Variants in BORCS5 observed in about 807,000 individuals in gnomAD.
The protein encoded by BORCS5 is BLOC-1 related complex subunit 5.
Under a neutral mutation model 22.1 loss-of-function variants are expected in BORCS5, and 17 were observed. The ratio of observed to expected loss-of-function variants is 0.77; its 90% CI spans 0.53 to 1.15. The LOEUF (loss-of-function observed/expected upper bound fraction) is 1.15. Among genes scored for constraint, BORCS5 ranks in the 50% most tolerant of loss-of-function variants. The pLI is 0.00. For missense variants in BORCS5, 247 were observed against 253.2 expected (o/e 0.98, Z 0.17); for synonymous variants, 117 against 99.8 (o/e 1.17, Z -1.03).
intron 2 of BORCS5, among the ~76,000 whole-genome samples, chr12:12,383,418 T>C (rs1238276303): frequency 2.6e-5 from 4 of 151,544 alleles, no homozygotes; most frequent in Non-Finnish European, 5.9e-5. Context: ...AATAAAAATA[T>C]ATTTGTAGAA....
intron 3 of BORCS5, among the ~76,000 whole-genome samples, chr12:12,448,462 G>A (rs766737673): frequency 9.3e-5 from 14 of 151,326 alleles, no homozygotes; most frequent in African/African-American, 1.2e-4. Flanking sequence ...TGATCTGCCC[G>A]CCTTGGCCTC....
At chr12:12,373,978 A>ATTTTTTTT (rs1863585861) in intron 2 of BORCS5, among the ~76,000 whole-genome samples, 2 of 116,778 alleles carry the variant, frequency 1.7e-5, no homozygotes, top group African/African-American at 9.0e-5. Flanking sequence ...TGCAGAGAGT[A>ATTTTTTTT]TTCTTTTTTT....
chr12:12,448,541 TC>T (rs1191610379), intron 3 of BORCS5, among the ~76,000 whole-genome samples: 101 of 151,440 alleles, frequency 6.7e-4, no homozygotes, highest in Non-Finnish European at 1.1e-3. Context: ...TTTTTTTTTT[TC>T]TTTTTTTTGA....
At chr12:12,462,058 G>C (rs1943115256) in intron 3 of BORCS5, among the ~76,000 whole-genome samples, 1 of 152,230 alleles carries the variant, frequency 6.6e-6, no homozygotes, top group Admixed American at 6.5e-5. Context: ...ACGGTAAGCT[G>C]TGTGGGTGTA....
intron 2 of BORCS5, among the ~76,000 whole-genome samples, chr12:12,390,005 C>T (rs905018008): frequency 3.3e-5 from 5 of 152,030 alleles, no homozygotes; most frequent in African/African-American, 9.7e-5. Flanking sequence ...CAGGCCAAAT[C>T]GGACTGTTTT....
intron 2 of BORCS5, among the ~76,000 whole-genome samples, chr12:12,392,195 A>G (rs965630160): frequency 1.3e-5 from 2 of 152,024 alleles, no homozygotes; most frequent in African/African-American, 4.8e-5. Context: ...ACTCAAATAA[A>G]TTAATCCTCC....
At chr12:12,359,394 C>T (rs111470877) in intron 1 of BORCS5, among the ~76,000 whole-genome samples, 203 of 143,728 alleles carry the variant, frequency 1.4e-3, no homozygotes, top group African/African-American at 4.7e-3. Context: ...GAGACAGTCT[C>T]ACTGTCACCT....
intron 2 of BORCS5, among the ~76,000 whole-genome samples, chr12:12,384,297 A>G (rs1321011445): frequency 6.6e-6 from 1 of 150,628 alleles, no homozygotes; most frequent in African/African-American, 2.4e-5. Flanking sequence ...TTTAAAATAT[A>G]TATATAATTT....
intron 2 of BORCS5, among the ~76,000 whole-genome samples, chr12:12,375,895 C>G (rs759943216): frequency 6.6e-6 from 1 of 151,992 alleles, no homozygotes; most frequent in Non-Finnish European, 1.5e-5. Context: ...ACCTCTGCCT[C>G]CTGGGTTCAA....
chr12:12,367,604 C>T (rs1294179770), intron 2 of BORCS5, among the ~76,000 whole-genome samples: 2 of 152,184 alleles, frequency 1.3e-5, no homozygotes, highest in Non-Finnish European at 2.9e-5. Context: ...TAGCTGTTTA[C>T]CAGCATTGGG....
chr12:12,409,044 T>C (rs946485951), intron 2 of BORCS5, among the ~76,000 whole-genome samples: 1 of 152,156 alleles, frequency 6.6e-6, no homozygotes, highest in Non-Finnish European at 1.5e-5. Flanking sequence ...TGCTATACCA[T>C]GTTACGTCTC....
At chr12:12,434,735 A>G (rs142393100) in intron 2 of BORCS5, among the ~76,000 whole-genome samples, 1 of 152,330 alleles carries the variant, frequency 6.6e-6, no homozygotes, top group African/African-American at 2.4e-5. Flanking sequence ...ATTATATTTA[A>G]ATGATTTAAT....
chr12:12,409,865 A>G (rs1302733230), intron 2 of BORCS5, among the ~76,000 whole-genome samples: 5 of 152,076 alleles, frequency 3.3e-5, no homozygotes, highest in East Asian at 1.9e-4. Context: ...AAGTGTTCCT[A>G]TTTCTCCACA....
chr12:12,441,721 T>A (rs76289251), intron 3 of BORCS5, among the ~76,000 whole-genome samples: 85 of 25,794 alleles, frequency 3.3e-3, no homozygotes, highest in African/African-American at 0.011. Flanking sequence ...AAAAAAAAAA[T>A]TTTTTTTTTT....
chr12:12,448,106 C>T (rs1565925350), intron 3 of BORCS5, among the ~76,000 whole-genome samples: 1 of 152,190 alleles, frequency 6.6e-6, no homozygotes, highest in African/African-American at 2.4e-5. Context: ...ACACAGTTGT[C>T]GAAGTGGAGC....
chr12:12,414,777 C>T (rs1344637943), intron 2 of BORCS5, among the ~76,000 whole-genome samples: 1 of 138,798 alleles, frequency 7.2e-6, no homozygotes, highest in Admixed American at 7.0e-5. Context: ...GACGGAGGGG[C>T]TCCTCACTTC....
At chr12:12,394,110 G>A (rs1941271251) in intron 2 of BORCS5, among the ~76,000 whole-genome samples, 1 of 151,874 alleles carries the variant, frequency 6.6e-6, no homozygotes, top group Non-Finnish European at 1.5e-5. Context: ...TGGATCACTT[G>A]AGGTCAGGAG....
intron 2 of BORCS5, among the ~76,000 whole-genome samples, chr12:12,368,920 T>C (rs1863462496): frequency 6.6e-6 from 1 of 152,186 alleles, no homozygotes; most frequent in Non-Finnish European, 1.5e-5. Flanking sequence ...ATGTGTTCTG[T>C]AGTTAATGGG....
Position 12,410,884 on chromosome 12 carries a change from G to C in BORCS5, c.203-24744G>C, listed in dbSNP as rs538976277. 1.6e-3 allele frequency among the ~76,000 whole-genome samples: 247 copies of C among 151,404 alleles called. 2 individuals carry two copies. The highest frequency in any genetic ancestry group is 5.8e-3 in the African/African-American group (240 of 41,386). On this transcript the variant is annotated intron_variant, in intron 2 of 3. Coordinates refer to ENST00000314565, the MANE Select transcript of BORCS5 (RefSeq NM_058169.6). ...GCATGGAATGTTCTTCCATTTGTTT[G>C]TGTGTTCTTTTATTTTATTGAGCAG...
Sources: allele counts gnomAD v4.1 joint callset (sites outside exome capture counted in the v4.1 genomes callset), GRCh38; gene constraint gnomAD v4.1.1; transcripts MANE v1.5; gene names NCBI Gene and HGNC (gene_info 2026-07-23, HGNC 2026-07-21).